Variants in DPP7 observed in about 807,000 individuals in gnomAD.
DPP7 encodes the protein dipeptidyl peptidase 7, also known as dipeptidyl peptidase 2.
In DPP7, 74 loss-of-function variants were observed where a neutral mutation model predicts 58.8. That is an observed-to-expected ratio of 1.26 (90% CI 1.04 to 1.53). The LOEUF is 1.53. Among genes scored for constraint, DPP7 ranks in the 40% most tolerant of loss-of-function variants. The probability of loss-of-function intolerance (pLI) is 0.00; values close to 1 mark genes in which losing one functional copy is unlikely to be tolerated. For missense variants in DPP7, 807 were observed against 692.3 expected, an observed-to-expected ratio of 1.17 and a Z score of -1.86; for synonymous variants, 350 against 303.6, an observed-to-expected ratio of 1.15 and a Z score of -1.59.
upstream of DPP7, among the ~76,000 whole-genome samples, chr9:137,115,844 C>T (rs532799327): frequency 1.2e-4 from 19 of 152,274 alleles, no homozygotes; most frequent in South Asian, 2.1e-4. Context: ...CCCATCCCTA[C>T]GCAGTTCCTG....
chr9:137,115,079 G>C (rs1241249546), upstream of DPP7: 1 of 197,658 alleles, frequency 5.1e-6, no homozygotes, highest in Non-Finnish European at 1.0e-5. Flanking sequence ...AGGGCCGGGA[G>C]AGTGGGGGCC....
intron 2 of DPP7, 33 bp from the exon 3 acceptor site, chr9:137,114,415 G>C (rs1418634912): frequency 1.3e-6 from 2 of 1,569,316 alleles, no homozygotes; most frequent in Non-Finnish European, 1.7e-6. Context: ...GAGGGTGCCG[G>C]GGGGCGGCGG....
At position 137,113,491 on chromosome 9, in the gene DPP7, C is replaced by T. The variant is rs747684915; in HGVS notation, c.491G>A (p.Gly164Glu). Residue 164 changes from glycine to glutamate, a missense_variant, in exon 5 of 13, where the codon GGG becomes GAG. Around this residue, in one of 3 missense-constraint regions of DPP7, gnomAD observed 624 missense variants for 531.2 expected, o/e 1.17. Transcript: ENST00000371579. ...CCTCAGGTAGGCACTGAGCATCCCC[C>T]CATAACTGGGTGAGGGACACAGGGT... ...APAIAFGGSY[G>E]GMLSAYLRMK... 4.5e-6 allele frequency: 7 copies of T among 1,563,264 alleles called. No homozygotes were observed. The highest frequency in any genetic ancestry group is 6.1e-6 in the Non-Finnish European group (7 of 1,153,114).
chr9:137,111,960 T>TG lies in DPP7; in HGVS notation c.1119dup (p.Thr374HisfsTer2). ...CAGTACCGCTGGCGGAGCTCGTCAGTGAAGGGCAGGTCCGGGAACATATCG... is the reference window on the plus strand; with the variant it reads ...CAGTACCGCTGGCGGAGCTCGTCAGTGGAAGGGCAGGTCCGGGAACATATCG... On this transcript the variant is annotated frameshift_variant, in exon 10 of 13. Transcript: ENST00000371579. LOFTEE classifies it high-confidence loss of function. The TG allele has an allele frequency of 6.2e-7, 1 of 1,604,800 alleles. No individual in the cohort carries two copies. Among genetic ancestry groups the TG allele is most frequent in the Non-Finnish European group, 8.5e-7 (1 of 1,175,172 alleles).
In DPP7 at chr9:137,111,705, G is replaced by A. The variant is rs201900304; in HGVS notation, c.1257C>T (p.Pro419=). The change falls in exon 11 of 13, where the codon CCC becomes CCT. Residue 419 remains proline, a synonymous_variant. Coordinates refer to ENST00000371579, the MANE Select transcript of DPP7 (RefSeq NM_013379.3). ...CAGGACTCACCCCGCCCCCTGCCCA[G>A]GGGTCCAGGTTCCCGTTGGAGAAGA... ...NIIFSNGNLD[P]WAGGGIRRNL... The A allele has an allele frequency of 6.2e-7, 1 of 1,613,720 alleles. No individual in the cohort carries two copies. Among genetic ancestry groups the A allele is most frequent in the Non-Finnish European group, 8.5e-7 (1 of 1,179,996 alleles).
At chr9:137,112,718 GC>G (rs1258420717) in intron 8 of DPP7, 26 bp downstream of exon 8, 1 of 1,584,868 alleles carries the variant, frequency 6.3e-7, no homozygotes, top group African/African-American at 1.3e-5. Context: ...CTCCACACTT[GC>G]CCATCTGGGG....
rs114836873 is a variant in DPP7, at chr9:137,113,145, A to G, written c.704-26T>C. The G allele has an allele frequency of 5.8e-4, 931 of 1,613,758 alleles. 4 individuals carry two copies. The African/African-American group carries it at 0.011, about 20-fold the overall frequency. On this transcript the variant is annotated intron_variant, in intron 6 of 12. Coordinates refer to ENST00000371579, the MANE Select transcript of DPP7 (RefSeq NM_013379.3). ...CTGCGTGGAAGGGGCAGAGACTTGAAGTTTGGGCATAGCTGGCGCTGGGGC... is the reference window on the plus strand; with the variant it reads ...CTGCGTGGAAGGGGCAGAGACTTGAGGTTTGGGCATAGCTGGCGCTGGGGC...
In DPP7 at chr9:137,114,401, AGG is replaced by A; in HGVS notation, c.182-21_182-20del. On this transcript the variant is annotated intron_variant, in intron 2 of 12. Transcript: ENST00000371579. ...AACCTGTCTGTGGGGAGGGCGGATG[AGG>A]CGAGGGTGCCGGGGGGCGGCGGGAC... is the stretch of plus-strand genomic sequence containing the variant. The A allele has an allele frequency of 6.3e-7, 1 of 1,585,070 alleles. No individual in the cohort carries two copies. Among genetic ancestry groups the A allele is most frequent in the Non-Finnish European group, 8.6e-7 (1 of 1,166,858 alleles).
upstream of DPP7, among the ~76,000 whole-genome samples, chr9:137,117,783 C>T (rs571175042): frequency 2.0e-5 from 3 of 152,302 alleles, no homozygotes; most frequent in East Asian, 1.9e-4. Context: ...ACCACTTCCG[C>T]GTGTGAAATT....
rs749885398 is a variant in DPP7, at chr9:137,111,872, C to T, written c.1207+1G>A. 2.1e-6 allele frequency: 2 copies of T among 931,564 alleles called. No homozygotes were observed. The highest frequency in any genetic ancestry group is 1.3e-5 in the South Asian group (1 of 77,752). The allele number at this position is 931,564 out of a possible 1,614,324, so 57.7% of individuals were successfully genotyped here. A position where few individuals can be genotyped will look rare whatever the true frequency, so the allele number is the denominator to read the frequency against. The stretch of plus-strand genomic sequence containing the variant: ...GCTGGCCCACCCCCCCTCAGCCTTA[C>T]CACCCCCCCAGAAGCTGGTCAGCAG... On this transcript the variant is annotated splice_donor_variant, in intron 10 of 12. Coordinates refer to ENST00000371579, the MANE Select transcript of DPP7 (RefSeq NM_013379.3). LOFTEE classifies it high-confidence loss of function.
intron 2 of DPP7, 23 bp from the exon 3 acceptor site, chr9:137,114,405 G>A (rs765451696): frequency 4.4e-6 from 7 of 1,581,800 alleles, no homozygotes; most frequent in Non-Finnish European, 6.0e-6. Context: ...CGGATGAGGC[G>A]AGGGTGCCGG....
intron 8 of DPP7, 83 bp from the exon 9 acceptor site, chr9:137,112,313 T>C: frequency 8.5e-7 from 1 of 1,181,218 alleles, no homozygotes; most frequent in Non-Finnish European, 1.2e-6. Context: ...CCCCTCGGAA[T>C]GGTCCTGCAG....
At chr9:137,111,268 GCGAGGGGCC>G (rs1337186556) in intron 11 of DPP7, among the ~76,000 whole-genome samples, 43 of 127,568 alleles carry the variant, frequency 3.4e-4, no homozygotes, top group Admixed American at 1.2e-3. Flanking sequence ...GTAGGGGCAG[GCGAGGGGCC>G]TGTGATCCCA....
In DPP7 at chr9:137,111,972, C is replaced by T. The variant is rs1171801571; in HGVS notation, c.1108G>A (p.Asp370Asn). 3.7e-6 allele frequency: 6 copies of T among 1,613,354 alleles called. No homozygotes were observed. The highest frequency in any genetic ancestry group is 2.2e-5 in the South Asian group (2 of 91,056). The stretch of plus-strand genomic sequence containing the variant: ...CGGAGCTCGTCAGTGAAGGGCAGGT[C>T]CGGGAACATATCGGTCACATTGTTG... ...ASNNVTDMFPDLPFTDELRQR... is the reference protein window; with the variant it reads ...ASNNVTDMFPNLPFTDELRQR... The change falls in exon 10 of 13, where the codon GAC (aspartate) becomes AAC (asparagine). Residue 370 changes from aspartate (D) to asparagine (N), a missense_variant. Asp to Asn is a conservative substitution (Grantham distance 23). Coordinates refer to ENST00000371579, the MANE Select transcript of DPP7 (RefSeq NM_013379.3).
rs1468897344 is a variant in DPP7 at position 137,113,344 on chromosome 9, C to T, written c.621+17G>A. 3 of 1,612,252 alleles carry T rather than the reference C, an allele frequency of 1.9e-6. No homozygotes were observed. The highest frequency in any genetic ancestry group is 4.5e-5 in the East Asian group (2 of 44,854). On this transcript the variant is annotated intron_variant, in intron 5 of 12. Transcript: ENST00000371579. ...GCTGTCCCTTAGGGGGCCTGGAGGA[C>T]CCCAAGCCTCACTCACCGCCGTGAC...
In DPP7 at chr9:137,110,778, G is replaced by A. The variant is rs776162372; in HGVS notation, c.1349C>T (p.Ser450Phe). The change falls in exon 13 of 13, where the codon TCC (serine) becomes TTC (phenylalanine). Residue 450 changes from serine (S) to phenylalanine (F), a missense_variant. By Grantham distance (155) the Ser-to-Phe change is radical (BLOSUM62 -2). Around this residue, in one of 3 missense-constraint regions of DPP7, gnomAD observed 624 missense variants for 531.2 expected, o/e 1.17. Transcript: ENST00000371579. ...GGAHHLDLRA[S>F]HPEDPASVVE... ...CACGGAAGCAGGATCTTCTGGGTGG[G>A]AGGCTCTGGGGAGCGGGCACAGAGG... 6.2e-7 allele frequency: 1 copy of A among 1,604,892 alleles called. No homozygotes were observed. The highest frequency in any genetic ancestry group is 8.5e-7 in the Non-Finnish European group (1 of 1,179,556).
rs1422094758 is a variant in DPP7 at position 137,113,132 on chromosome 9, G to A, written c.704-13C>T. The A allele has an allele frequency of 6.2e-7, 1 of 1,613,784 alleles. No homozygotes were observed. The highest frequency in any genetic ancestry group is 8.5e-7 in the Non-Finnish European group (1 of 1,180,012). On this transcript the variant is annotated splice_polypyrimidine_tract_variant and intron_variant, in intron 6 of 12. Transcript: ENST00000371579. ...ACCGTGTCGTAGGCTGCGTGGAAGGGGCAGAGACTTGAAGTTTGGGCATAG... is the reference window on the plus strand; with the variant it reads ...ACCGTGTCGTAGGCTGCGTGGAAGGAGCAGAGACTTGAAGTTTGGGCATAG...
chr9:137,113,425 C>T lies in DPP7; in HGVS notation c.557G>A (p.Ser186Asn), dbSNP rs1301393087. Residue 186 changes from serine (S) to asparagine (N), a missense_variant, in exon 5 of 13, where the codon AGC (serine) becomes AAC (asparagine). Physicochemically the swap from Ser to Asn is conservative, Grantham distance 46. This residue lies in a region of DPP7 where 624 missense variants were observed against 531.2 expected (regional missense o/e 1.17). Coordinates refer to ENST00000371579, the MANE Select transcript of DPP7 (RefSeq NM_013379.3). ...PHLVAGALAA[S>N]APVLAVAGLG... ...GCCTGCCACAGCTAGAACGGGCGCG[C>T]TGGCCGCCAGCGCCCCCGCCACCAG... The T allele has an allele frequency of 5.0e-6, 8 of 1,606,784 alleles. No individual in the cohort carries two copies. Among genetic ancestry groups the T allele is most frequent in the Non-Finnish European group, 5.1e-6 (6 of 1,175,712 alleles).
At chr9:137,114,980 C>T (rs1222917347), upstream of DPP7, 13 of 309,548 alleles carry the variant, frequency 4.2e-5, no homozygotes, top group African/African-American at 2.8e-4. Context: ...CCTACCGCGG[C>T]CCCATCCGGA....
Sources: gnomAD v4.1 joint callset for allele counts (sites outside exome capture counted in the v4.1 genomes callset) on GRCh38, gnomAD v4.1.1 for gene constraint, gnomAD v4.1.1 regional missense constraint, MANE v1.5 for transcripts, NCBI Gene and HGNC (gene_info 2026-07-23, HGNC 2026-07-21) for gene names.